The following BMPR1A variants were observed in gnomAD, a reference collection of about 807,000 sequenced individuals.
BMPR1A encodes bone morphogenetic protein receptor type-1A.
BMPR1A carries 7 observed loss-of-function variants against 66.0 expected under a neutral mutation model. The observed-to-expected ratio is 0.11, with a 90% CI of 0.06 to 0.20. The LOEUF is 0.20. Ranked by LOEUF, BMPR1A falls within the 10% of genes least tolerant of loss-of-function variation. The pLI, the probability that BMPR1A is intolerant of heterozygous loss-of-function variation, is 1.00. For missense variants in BMPR1A, 408 were observed against 669.1 expected (o/e 0.61, Z 4.31); for synonymous variants, 200 against 229.7 (o/e 0.87, Z 1.17).
intron 2 of BMPR1A, chr10:86,855,993 A>C: frequency 1.6e-6 from 1 of 626,712 alleles, no homozygotes; most frequent in East Asian, 3.1e-5. Context: ...TTCCTTTAGC[A>C]GTTGAAAATC....
At chr10:86,877,829 T>A (rs1021957845) in intron 3 of BMPR1A, among the ~76,000 whole-genome samples, 13 of 152,328 alleles carry the variant, frequency 8.5e-5, no homozygotes, top group African/African-American at 2.2e-4. Flanking sequence ...TAAATTTTTT[T>A]AAAATCTGTT....
chr10:86,915,121 C>T (rs1223006501), intron 8 of BMPR1A, among the ~76,000 whole-genome samples: 1 of 152,112 alleles, frequency 6.6e-6, no homozygotes, highest in Non-Finnish European at 1.5e-5. Flanking sequence ...CAAAAGGCTA[C>T]ACAAAAGTGA....
intron 1 of BMPR1A, among the ~76,000 whole-genome samples, chr10:86,824,081 T>TGTGTGTGTGTGTGTGTGTGTGTGTG (rs1842157809): frequency 1.8e-4 from 17 of 94,128 alleles, no homozygotes; most frequent in African/African-American, 4.3e-4. Context: ...TTACCAAGGG[T>TGTGTGTGTGTGTGTGTGTGTGTGTG]TGTGTGTGTG....
chr10:86,884,394 A>ATTTTTTTTTTTTTTTTTTT lies in BMPR1A; in HGVS notation c.68-5649_68-5631dup, dbSNP rs759424209. 6.1e-5 allele frequency among the ~76,000 whole-genome samples: 3 copies of ATTTTTTTTTTTTTTTTTTT among 49,348 alleles called. 1 individual carries two copies. The highest frequency in any genetic ancestry group is 9.0e-5 in the Non-Finnish European group (2 of 22,330). The allele number at this position is 49,348 out of a possible 152,430, so 32.4% of individuals were successfully genotyped here. A position where few individuals can be genotyped will look rare whatever the true frequency, so the allele number is the denominator to read the frequency against. ...AGCCACCATGCCTGGCAAACACATGATTTTTTTTTTTTTTTTTTTTTTTTT... is the reference window on the plus strand; with the variant it reads ...AGCCACCATGCCTGGCAAACACATGATTTTTTTTTTTTTTTTTTTTTTTTTTTTTTTTTTTTTTTTTTTT... On this transcript the variant is annotated intron_variant, in intron 3 of 12. Coordinates refer to ENST00000372037, the MANE Select transcript of BMPR1A (RefSeq NM_004329.3).
At chr10:86,766,279 GT>G (rs1343800262) in intron 1 of BMPR1A, among the ~76,000 whole-genome samples, 1 of 152,066 alleles carries the variant, frequency 6.6e-6, no homozygotes, top group Non-Finnish European at 1.5e-5. Context: ...GGTGTGAGGT[GT>G]TGTGCGCAGC....
intron 1 of BMPR1A, among the ~76,000 whole-genome samples, chr10:86,830,490 G>C (rs765928668): frequency 6.6e-6 from 1 of 152,162 alleles, no homozygotes; most frequent in African/African-American, 2.4e-5. Flanking sequence ...TCACATTCGT[G>C]TCCACATTTG....
Position 86,797,127 on chromosome 10 carries a change from C to T in BMPR1A, c.-268+40208C>T, listed in dbSNP as rs546199006. Among the ~76,000 whole-genome samples, 5 of 145,190 alleles carry T rather than the reference C, an allele frequency of 3.4e-5. No individual in the cohort carries two copies. The East Asian group carries it at 1.0e-3, about 29-fold the overall frequency. ...TCGCCCAGGCTGGAGTGCAGTGGCG[C>T]GATCTCTGCTCACTGCAGCCTCCGC... is the stretch of plus-strand genomic sequence containing the variant. On this transcript the variant is annotated intron_variant, in intron 1 of 12. Transcript: ENST00000372037.
chr10:86,809,659 G>A (rs966612772), intron 1 of BMPR1A, among the ~76,000 whole-genome samples: 1 of 141,208 alleles, frequency 7.1e-6, no homozygotes, highest in African/African-American at 2.7e-5. Context: ...TGTCGTCTAG[G>A]CCTCAGCTCC....
intron 7 of BMPR1A, among the ~76,000 whole-genome samples, chr10:86,900,816 G>A (rs1271018779): frequency 1.3e-5 from 2 of 152,160 alleles, no homozygotes; most frequent in Non-Finnish European, 1.5e-5. Context: ...GAGGTGATGC[G>A]AAAGTCATAT....
At chr10:86,785,586 G>C (rs539938657) in intron 1 of BMPR1A, among the ~76,000 whole-genome samples, 3 of 152,330 alleles carry the variant, frequency 2.0e-5, no homozygotes, top group East Asian at 3.9e-4. Context: ...ATAGGCGTGA[G>C]CCACTGCGCC....
At chr10:86,785,994 T>G (rs1841509238) in intron 1 of BMPR1A, among the ~76,000 whole-genome samples, 1 of 152,200 alleles carries the variant, frequency 6.6e-6, no homozygotes, top group Non-Finnish European at 1.5e-5. Context: ...AACGTCACTT[T>G]CACCGTCTTT....
chr10:86,791,683 T>TCCTTCCTTCCTCCCTCCCTC (rs1283624885), intron 1 of BMPR1A, among the ~76,000 whole-genome samples: 1 of 89,758 alleles, frequency 1.1e-5, no homozygotes, highest in African/African-American at 4.7e-5. Flanking sequence ...CTTCTTTACT[T>TCCTTCCTTCCTCCCTCCCTC]CCTTCCTCCC....
Position 86,923,146 on chromosome 10 carries a change from C to CAAA in BMPR1A, c.1343-230_1343-229insAAA, listed in dbSNP as rs10642436. 0.039 allele frequency among the ~76,000 whole-genome samples: 5,896 copies of CAAA among 152,040 alleles called. 388 individuals carry two copies. Among genetic ancestry groups the CAAA allele is most frequent in the African/African-American group, 0.13 (5,543 of 41,440 alleles). ...TAAGGAAGATTGATATGCCCTTTGT[C>CAAA]GATGGACTCTATCACAGTTGTGATG... is the stretch of plus-strand genomic sequence containing the variant. On this transcript the variant is annotated intron_variant, in intron 11 of 12. Coordinates refer to ENST00000372037, the MANE Select transcript of BMPR1A (RefSeq NM_004329.3).
intron 2 of BMPR1A, among the ~76,000 whole-genome samples, chr10:86,871,360 G>T (rs1842853261): frequency 6.6e-6 from 1 of 152,140 alleles, no homozygotes; most frequent in Non-Finnish European, 1.5e-5. Context: ...CTTCATGAAG[G>T]CTGGGCCTGT....
chr10:86,900,218 G>T, intron 7 of BMPR1A, 92 bp downstream of exon 7: 1 of 1,225,088 alleles, frequency 8.2e-7, no homozygotes, highest in South Asian at 1.2e-5. Context: ...CCATTAACTT[G>T]TATTCTCTGG....
At chr10:86,790,812 G>A (rs1430900511) in intron 1 of BMPR1A, among the ~76,000 whole-genome samples, 1 of 152,166 alleles carries the variant, frequency 6.6e-6, no homozygotes, top group African/African-American at 2.4e-5. Flanking sequence ...GCACAACTTT[G>A]TGAATATGCC....
intron 2 of BMPR1A, chr10:86,854,690 T>G: frequency 9.0e-6 from 2 of 221,946 alleles, no homozygotes. Context: ...CTTTAAGACG[T>G]ATCCCTTCTG....
chr10:86,887,241 T>A (rs895964900), intron 3 of BMPR1A, among the ~76,000 whole-genome samples: 2 of 152,206 alleles, frequency 1.3e-5, no homozygotes, highest in African/African-American at 4.8e-5. Flanking sequence ...ATGCCACATC[T>A]TTGCGTTTCT....
chr10:86,899,501 A>G (rs1843274561), intron 5 of BMPR1A, among the ~76,000 whole-genome samples: 1 of 152,240 alleles, frequency 6.6e-6, no homozygotes, highest in African/African-American at 2.4e-5. Flanking sequence ...TCAGTACCAC[A>G]GTGAGATTAT....
Sources: gnomAD v4.1 joint callset for allele counts (sites outside exome capture counted in the v4.1 genomes callset) on GRCh38, gnomAD v4.1.1 for gene constraint, MANE v1.5 for transcripts, NCBI Gene and HGNC (gene_info 2026-07-23, HGNC 2026-07-21) for gene names.